The following GLRA1 variants were observed in gnomAD, a reference collection of about 807,000 sequenced individuals.
GLRA1 encodes glycine receptor subunit alpha-1.
Under a neutral mutation model 48.3 loss-of-function variants are expected in GLRA1, and 37 were observed. The observed-to-expected ratio is 0.77, with a 90% confidence interval of 0.59 to 1.01. The LOEUF is 1.01. GLRA1 is among the 50% of genes least tolerant of loss of function. The pLI, the probability that GLRA1 is intolerant of heterozygous loss-of-function variation, is 0.00. For synonymous variants in GLRA1, 196 were observed against 210.7 expected (o/e 0.93, Z 0.60); for missense variants, 427 against 571.0 (o/e 0.75, Z 2.57).
chr5:151,902,895 AC>A (rs1054649273), intron 1 of GLRA1, among the ~76,000 whole-genome samples: 53 of 152,350 alleles, frequency 3.5e-4, no homozygotes, highest in African/African-American at 1.3e-3. Context: ...ACCTGACCTT[AC>A]AAACTTCTCT....
rs753072382 is a variant in GLRA1, at chr5:151,892,369, C to T, written c.126G>A (p.Leu42=). 3.1e-6 allele frequency: 5 copies of T among 1,613,928 alleles called. No homozygotes were observed. In the South Asian group the frequency reaches 5.5e-5, roughly 18 times the overall value. ...APKPMSPSDF[L]DKLMGRTSGY... The stretch of plus-strand genomic sequence containing the variant: ...CGGAGGTTCTCCCCATTAGCTTATC[C>T]AGGAAATCCGAGGGTGACATAGGCT... Residue 42 remains leucine (L), a synonymous_variant, in exon 2 of 9, where the codon CTG becomes CTA. Transcript: ENST00000274576.
intron 1 of GLRA1, among the ~76,000 whole-genome samples, chr5:151,903,106 G>A (rs1220181515): frequency 6.6e-6 from 1 of 152,180 alleles, no homozygotes; most frequent in African/African-American, 2.4e-5. Context: ...GGACCCATAG[G>A]AAATGCATCA....
chr5:151,828,601 C>T (rs1349504544), intron 8 of GLRA1, among the ~76,000 whole-genome samples: 2 of 152,196 alleles, frequency 1.3e-5, no homozygotes, highest in African/African-American at 4.8e-5. Context: ...CCAGTGGACA[C>T]CTCCCAATCT....
rs1754818130 is a variant in GLRA1 at position 151,919,399 on chromosome 5, C to A, written c.56+5095G>T. Among the ~76,000 whole-genome samples the A allele has an allele frequency of 2.6e-5, 4 of 152,186 alleles. No homozygotes were observed. The South Asian group carries it at 8.3e-4, about 32-fold the overall frequency. ...CAGATCTGTGAGTATAGTGGTCAGG[C>A]ATCATGTTTTCTCATCATAATAAAC... On this transcript the variant is annotated intron_variant, in intron 1 of 8. Transcript: ENST00000274576.
At position 151,855,192 on chromosome 5, in the gene GLRA1, G is replaced by T; in HGVS notation, c.560-15C>A. 1 of 1,613,668 alleles carries T rather than the reference G, an allele frequency of 6.2e-7. No individual in the cohort carries two copies. The highest frequency in any genetic ancestry group is 8.5e-7 in the Non-Finnish European group (1 of 1,179,580). On this transcript the variant is annotated splice_polypyrimidine_tract_variant and intron_variant, in intron 5 of 8. Coordinates refer to ENST00000274576, the MANE Select transcript of GLRA1 (RefSeq NM_000171.4). Reference sequence around the variant, plus strand: ...CGTATATCCAACTGGGATGGGATCAGAAGAAGGAGCAGTCACCACTCAGAA... The same window carrying T: ...CGTATATCCAACTGGGATGGGATCATAAGAAGGAGCAGTCACCACTCAGAA...
At chr5:151,826,153 C>G (rs1039401448) in intron 8 of GLRA1, among the ~76,000 whole-genome samples, 1 of 152,176 alleles carries the variant, frequency 6.6e-6, no homozygotes, top group African/African-American at 2.4e-5. Context: ...CTGGAAAATG[C>G]ATTCCCTACC....
At chr5:151,858,333 G>C (rs140321862) in intron 4 of GLRA1, among the ~76,000 whole-genome samples, 4 of 151,596 alleles carry the variant, frequency 2.6e-5, no homozygotes, top group Non-Finnish European at 5.9e-5. Context: ...GCAGATAAAA[G>C]CTCCAAAGTG....
intron 1 of GLRA1, among the ~76,000 whole-genome samples, chr5:151,906,902 A>G (rs1465294044): frequency 6.6e-6 from 1 of 152,244 alleles, no homozygotes; most frequent in East Asian, 1.9e-4. Flanking sequence ...GGACTTTTAA[A>G]GAGCAAGATG....
chr5:151,915,515 C>T (rs1389224276), intron 1 of GLRA1, among the ~76,000 whole-genome samples: 1 of 151,994 alleles, frequency 6.6e-6, no homozygotes, highest in Non-Finnish European at 1.5e-5. Flanking sequence ...GGCTAGAAAA[C>T]AATGGGACAT....
At chr5:151,918,462 T>C (rs1410630935) in intron 1 of GLRA1, among the ~76,000 whole-genome samples, 1 of 152,228 alleles carries the variant, frequency 6.6e-6, no homozygotes, top group Non-Finnish European at 1.5e-5. Flanking sequence ...GGCTTTTGCA[T>C]AACCAAGGTG....
At chr5:151,842,097 A>G (rs1463839990) in intron 7 of GLRA1, among the ~76,000 whole-genome samples, 2 of 152,042 alleles carry the variant, frequency 1.3e-5, no homozygotes, top group African/African-American at 4.8e-5. Flanking sequence ...GAATACACAC[A>G]TAACATGTAA....
At chr5:151,923,254 TAC>T (rs1220066554) in intron 1 of GLRA1, among the ~76,000 whole-genome samples, 41 of 152,300 alleles carry the variant, frequency 2.7e-4, no homozygotes, top group Middle Eastern at 3.4e-3. Flanking sequence ...TACAGAAACT[TAC>T]TATTTGAGGG....
At chr5:151,845,282 C>A (rs568161083) in intron 7 of GLRA1, among the ~76,000 whole-genome samples, 2 of 152,238 alleles carry the variant, frequency 1.3e-5, no homozygotes, top group East Asian at 3.9e-4. Flanking sequence ...TAAACCACGG[C>A]ACATAGAACA....
chr5:151,919,724 C>T (rs1581668832), intron 1 of GLRA1, among the ~76,000 whole-genome samples: 1 of 152,186 alleles, frequency 6.6e-6, no homozygotes, highest in South Asian at 2.1e-4. Flanking sequence ...AACTGAGAGC[C>T]AGAAAGGTCA....
In GLRA1 at chr5:151,910,975, G is replaced by A. The variant is rs116658880; in HGVS notation, c.56+13519C>T. On this transcript the variant is annotated intron_variant, in intron 1 of 8. Transcript: ENST00000274576. ...GAACTTAGAACAACTCCTGGTTATC[G>A]TAGGAATTAATAAATATTTTTTGGA... is the stretch of plus-strand genomic sequence containing the variant. Among the ~76,000 whole-genome samples the A allele has an allele frequency of 8.6e-3, 1,316 of 152,268 alleles. 23 individuals carry two copies. Among genetic ancestry groups the A allele is most frequent in the African/African-American group, 0.029 (1,199 of 41,534 alleles).
intron 3 of GLRA1, among the ~76,000 whole-genome samples, chr5:151,866,156 A>G (rs1417300045): frequency 2.0e-5 from 3 of 152,158 alleles, no homozygotes; most frequent in Non-Finnish European, 2.9e-5. Flanking sequence ...AGGGATTTCC[A>G]GAGCTCTGAT....
chr5:151,834,684 G>GGGCT (rs1763520199), intron 7 of GLRA1, among the ~76,000 whole-genome samples: 1 of 152,124 alleles, frequency 6.6e-6, no homozygotes, highest in South Asian at 2.1e-4. Context: ...AGTGAATCCA[G>GGGCT]GGCTGGTTTG....
intron 4 of GLRA1, among the ~76,000 whole-genome samples, chr5:151,858,865 T>C (rs962650140): frequency 6.6e-6 from 1 of 152,192 alleles, no homozygotes; most frequent in African/African-American, 2.4e-5. Flanking sequence ...AATAAAAACA[T>C]ATTCATATAT....
chr5:151,907,283 A>G (rs913078749), intron 1 of GLRA1, among the ~76,000 whole-genome samples: 2 of 152,164 alleles, frequency 1.3e-5, no homozygotes, highest in Admixed American at 1.3e-4. Context: ...TAATCTTTCT[A>G]TTTGTATCTG....
Sources: allele counts gnomAD v4.1 joint callset (sites outside exome capture counted in the v4.1 genomes callset), GRCh38; gene constraint gnomAD v4.1.1; transcripts MANE v1.5; gene names NCBI Gene and HGNC (gene_info 2026-07-23, HGNC 2026-07-21).